Variants in RUNDC3B observed in about 807,000 individuals in gnomAD.
RUNDC3B encodes the protein RUN domain containing 3B.
Under a neutral mutation model 58.4 loss-of-function variants are expected in RUNDC3B, and 33 were observed. The observed-to-expected ratio is 0.56, with a 90% confidence interval of 0.43 to 0.75. RUNDC3B has a LOEUF of 0.75. Ranked by LOEUF, RUNDC3B falls within the 30% of genes least tolerant of loss-of-function variation. RUNDC3B has a pLI of 0.00. For missense variants in RUNDC3B, 501 were observed against 535.7 expected (o/e 0.94, Z 0.64); for synonymous variants, 193 against 195.2 (o/e 0.99, Z 0.10).
chr7:87,741,991 T>C (rs1343253208), intron 6 of RUNDC3B, among the ~76,000 whole-genome samples: 3 of 152,186 alleles, frequency 2.0e-5, no homozygotes, highest in Admixed American at 6.5e-5. Flanking sequence ...TCATTGTAAA[T>C]TGTCGGAGCT....
At chr7:87,752,399 T>C (rs550190730) in intron 6 of RUNDC3B, among the ~76,000 whole-genome samples, 5 of 152,298 alleles carry the variant, frequency 3.3e-5, no homozygotes, top group Admixed American at 2.0e-4. Flanking sequence ...TAAAATGAGT[T>C]AGGGAGGATT....
At chr7:87,802,410 A>C (rs1218459487) in intron 8 of RUNDC3B, among the ~76,000 whole-genome samples, 4 of 152,124 alleles carry the variant, frequency 2.6e-5, no homozygotes, top group African/African-American at 7.2e-5. Flanking sequence ...ATAAAAGATA[A>C]ATTAAAAATA....
At chr7:87,828,802 T>G (rs1837977223) in intron 10 of RUNDC3B, among the ~76,000 whole-genome samples, 1 of 152,196 alleles carries the variant, frequency 6.6e-6, no homozygotes, top group African/African-American at 2.4e-5. Context: ...ATCTTCAAAT[T>G]GCTTTCCACA....
chr7:87,735,783 C>G (rs997891666), intron 4 of RUNDC3B, among the ~76,000 whole-genome samples: 1 of 152,168 alleles, frequency 6.6e-6, no homozygotes, highest in East Asian at 1.9e-4. Flanking sequence ...CCATTTGTCT[C>G]TATCTCAACA....
chr7:87,772,870 G>GA (rs2130873587), intron 7 of RUNDC3B, among the ~76,000 whole-genome samples: 1 of 151,862 alleles, frequency 6.6e-6, no homozygotes, highest in Admixed American at 6.6e-5. Context: ...ATTGATAAGA[G>GA]AGACACATAA....
intron 7 of RUNDC3B, among the ~76,000 whole-genome samples, chr7:87,776,451 C>G (rs1834632627): frequency 6.6e-6 from 1 of 151,840 alleles, no homozygotes; most frequent in African/African-American, 2.4e-5. Flanking sequence ...CAAAACCAAG[C>G]AAAACTAAAC....
chr7:87,765,692 A>G (rs1833941124), intron 6 of RUNDC3B, among the ~76,000 whole-genome samples: 1 of 152,056 alleles, frequency 6.6e-6, no homozygotes, highest in South Asian at 2.1e-4. Context: ...AAATTTATTG[A>G]GACTTGCTTT....
chr7:87,704,323 A>G (rs1478464926), intron 3 of RUNDC3B, among the ~76,000 whole-genome samples: 2 of 152,336 alleles, frequency 1.3e-5, no homozygotes, highest in East Asian at 3.9e-4. Flanking sequence ...ATTTGAATGA[A>G]TCAAATCTAT....
At chr7:87,770,771 G>C (rs200886073) in intron 7 of RUNDC3B, 22 bp downstream of exon 7, 198 of 1,550,098 alleles carry the variant, frequency 1.3e-4, no homozygotes, top group Non-Finnish European at 1.7e-4. Flanking sequence ...TTATCAAAAC[G>C]TACTTAATTT....
chr7:87,737,118 C>G (rs1832032523), intron 4 of RUNDC3B, among the ~76,000 whole-genome samples: 1 of 151,222 alleles, frequency 6.6e-6, no homozygotes. Context: ...AGGCTGATCT[C>G]TAACTCCTGG....
At chr7:87,742,572 A>C (rs549261924) in intron 6 of RUNDC3B, among the ~76,000 whole-genome samples, 148 of 144,720 alleles carry the variant, frequency 1.0e-3, no homozygotes, top group African/African-American at 3.6e-3. Context: ...TCCATCATAG[A>C]TAAATAGATA....
At chr7:87,772,102 A>T (rs529637622) in intron 7 of RUNDC3B, among the ~76,000 whole-genome samples, 4 of 152,342 alleles carry the variant, frequency 2.6e-5, no homozygotes, top group African/African-American at 9.6e-5. Context: ...GATGTAAATG[A>T]CTGTAAGAAC....
At chr7:87,801,267 T>TAGAA (rs1380185635) in intron 8 of RUNDC3B, among the ~76,000 whole-genome samples, 2 of 152,036 alleles carry the variant, frequency 1.3e-5, no homozygotes, top group African/African-American at 2.4e-5. Flanking sequence ...GACCAAGGAA[T>TAGAA]AGAAAGAAAG....
chr7:87,709,605 A>G lies in RUNDC3B; in HGVS notation c.373-965A>G, dbSNP rs1583952877. The G allele has an allele frequency of 7.2e-6, 5 of 690,010 alleles. No individual in the cohort carries two copies. The South Asian group carries it at 1.9e-4, about 27-fold the overall frequency. 42.7% of individuals were successfully genotyped at this position (690,010 alleles called of 1,614,324 possible). A position where few individuals can be genotyped will look rare whatever the true frequency, so the allele number is the denominator to read the frequency against. The stretch of plus-strand genomic sequence containing the variant: ...GCCTGACAGGTTTTAACTACTGCCT[A>G]TATTGACTCCTTTGTGACCTTTCCT... On this transcript the variant is annotated intron_variant, in intron 3 of 10. Transcript: ENST00000394654.
chr7:87,825,170 C>T (rs931576211), intron 10 of RUNDC3B, among the ~76,000 whole-genome samples: 7 of 151,494 alleles, frequency 4.6e-5, no homozygotes, highest in Non-Finnish European at 8.8e-5. Flanking sequence ...TGCAGTGAGC[C>T]GAAATCACAC....
intron 6 of RUNDC3B, among the ~76,000 whole-genome samples, chr7:87,744,257 A>G (rs56225435): frequency 0.014 from 2,073 of 151,968 alleles, 49 homozygotes; most frequent in African/African-American, 0.047. Context: ...ATGTCTCCAA[A>G]TTTGTTCTTT....
At chr7:87,775,249 G>A (rs1834556103) in intron 7 of RUNDC3B, among the ~76,000 whole-genome samples, 4 of 152,066 alleles carry the variant, frequency 2.6e-5, no homozygotes, top group Admixed American at 1.3e-4. Flanking sequence ...CTGTGTTGTA[G>A]GCCTAGGCTA....
chr7:87,738,470 C>A (rs1431200699), intron 4 of RUNDC3B, among the ~76,000 whole-genome samples: 1 of 151,936 alleles, frequency 6.6e-6, no homozygotes, highest in African/African-American at 2.4e-5. Flanking sequence ...GCCAGTCTCC[C>A]CACTGTATTT....
intron 8 of RUNDC3B, among the ~76,000 whole-genome samples, chr7:87,780,399 A>T (rs894230685): frequency 2.0e-5 from 3 of 152,004 alleles, no homozygotes; most frequent in Non-Finnish European, 4.4e-5. Flanking sequence ...GGTTGCTTGT[A>T]TGTCTTCTTT....
Sources: allele counts gnomAD v4.1 joint callset (sites outside exome capture counted in the v4.1 genomes callset), GRCh38; gene constraint gnomAD v4.1.1; transcripts MANE v1.5; gene names NCBI Gene and HGNC (gene_info 2026-07-23, HGNC 2026-07-21).